Variants in MLYCD observed in about 807,000 individuals in gnomAD.
The protein encoded by MLYCD is malonyl-CoA decarboxylase.
Under a neutral mutation model 35.8 loss-of-function variants are expected in MLYCD, and 27 were observed. That is an observed-to-expected ratio of 0.75 (90% CI 0.56 to 1.04). The LOEUF is 1.04. Among genes scored for constraint, MLYCD ranks in the 50% least tolerant of loss-of-function variants. The pLI is 0.00. For missense variants in MLYCD, 917 were observed against 665.1 expected (o/e 1.38, Z -4.17); for synonymous variants, 403 against 302.4 (o/e 1.33, Z -3.45).
At position 83,927,023 on chromosome 16, in the gene MLYCD, A is replaced by G. The variant is rs1907829971; in HGVS notation, c.*11534A>G. On this transcript the variant is annotated 3_prime_UTR_variant, in exon 5 of 5. Transcript: ENST00000262430. The stretch of plus-strand genomic sequence containing the variant: ...AAAAAAAAATAAAAATAAAAAAATA[A>G]AATCCTAACAGGTAGCATACCTGCA... 6.6e-6 allele frequency: 1 copy of G among 152,144 alleles called. No homozygotes were observed. The highest frequency in any genetic ancestry group is 2.4e-5 in the African/African-American group (1 of 41,414). 9.4% of individuals were successfully genotyped at this position (152,144 alleles called of 1,614,324 possible).
chr16:83,910,224 G>A (rs1042868371), intron 3 of MLYCD, among the ~76,000 whole-genome samples: 2 of 128,376 alleles, frequency 1.6e-5, no homozygotes, highest in African/African-American at 5.9e-5. Context: ...TTTTTTTTTT[G>A]CCTCTTTTTG....
chr16:83,909,232 C>T (rs1907086258), intron 3 of MLYCD, among the ~76,000 whole-genome samples: 2 of 151,430 alleles, frequency 1.3e-5, no homozygotes, highest in African/African-American at 4.9e-5. Context: ...AATTCCACTC[C>T]TAGGAACTTC....
At position 83,920,975 on chromosome 16, in the gene MLYCD, A is replaced by T. The variant is rs1474014689; in HGVS notation, c.*5486A>T. The T allele has an allele frequency of 6.7e-6, 1 of 149,856 alleles. No individual in the cohort carries two copies. Among genetic ancestry groups the T allele is most frequent in the Non-Finnish European group, 1.5e-5 (1 of 67,572 alleles). The allele number at this position is 149,856 out of a possible 1,614,324, so 9.3% of individuals were successfully genotyped here. A position where few individuals can be genotyped will look rare whatever the true frequency, so the allele number is the denominator to read the frequency against. Reference sequence around the variant, plus strand: ...TGGATGGTGGAGGGTTAATGGAAGGAAGGAAGATGGATGGGTGGAAGGAAG... The same window carrying T: ...TGGATGGTGGAGGGTTAATGGAAGGTAGGAAGATGGATGGGTGGAAGGAAG... On this transcript the variant is annotated 3_prime_UTR_variant, in exon 5 of 5. Coordinates refer to ENST00000262430, the MANE Select transcript of MLYCD (RefSeq NM_012213.3).
intron 1 of MLYCD, among the ~76,000 whole-genome samples, chr16:83,902,802 G>T (rs561117725): frequency 6.6e-6 from 1 of 152,258 alleles, no homozygotes; most frequent in Non-Finnish European, 1.5e-5. Flanking sequence ...CACTGTGCCT[G>T]GCTGTGTTCT....
At chr16:83,914,163 T>TA (rs1907286545) in intron 4 of MLYCD, 1 of 152,370 alleles carries the variant, frequency 6.6e-6, no homozygotes. Flanking sequence ...GAGCATGTGT[T>TA]ACATTTATAA....
rs904869283 is a variant in MLYCD at position 83,918,159 on chromosome 16, C to G, written c.*2670C>G. 6.6e-6 allele frequency: 1 copy of G among 152,250 alleles called. No individual in the cohort carries two copies. Among genetic ancestry groups the G allele is most frequent in the Non-Finnish European group, 1.5e-5 (1 of 68,050 alleles). 9.4% of individuals were successfully genotyped at this position (152,250 alleles called of 1,614,324 possible). ...ACGTTACTCTTTAGGTCAAATGTAA[C>G]CCTCCCGGTTTTATTTATCACTCAG... On this transcript the variant is annotated 3_prime_UTR_variant, in exon 5 of 5. Coordinates refer to ENST00000262430, the MANE Select transcript of MLYCD (RefSeq NM_012213.3).
At chr16:83,904,812 C>G (rs1182606512) in intron 1 of MLYCD, among the ~76,000 whole-genome samples, 3 of 152,164 alleles carry the variant, frequency 2.0e-5, no homozygotes, top group Non-Finnish European at 4.4e-5. Context: ...CCAGGATGAC[C>G]TCTGTGGACA....
chr16:83,905,181 C>T (rs1297873314), intron 1 of MLYCD, among the ~76,000 whole-genome samples: 1 of 151,916 alleles, frequency 6.6e-6, no homozygotes, highest in Non-Finnish European at 1.5e-5. Flanking sequence ...CAGGGTTGCA[C>T]CACTGCACTC....
At position 83,915,391 on chromosome 16, in the gene MLYCD, G is replaced by T; in HGVS notation, c.1384G>T (p.Gly462Cys). ...ANYRYFLEET[G>C]PNSTSYLGSK... ...CTACCGCTACTTCCTGGAGGAGACGGGCCCCAACAGCACCTCCTACCTCGG... is the reference window on the plus strand; with the variant it reads ...CTACCGCTACTTCCTGGAGGAGACGTGCCCCAACAGCACCTCCTACCTCGG... The change falls in exon 5 of 5, where the codon GGC becomes TGC. Residue 462 changes from glycine (G) to cysteine (C), a missense_variant. By Grantham distance (159) the Gly-to-Cys change is radical. Coordinates refer to ENST00000262430, the MANE Select transcript of MLYCD (RefSeq NM_012213.3). 6.2e-7 allele frequency: 1 copy of T among 1,613,890 alleles called. No individual in the cohort carries two copies. The highest frequency in any genetic ancestry group is 8.5e-7 in the Non-Finnish European group (1 of 1,180,036).
chr16:83,902,807 T>C (rs757370087), intron 1 of MLYCD, among the ~76,000 whole-genome samples: 8 of 152,164 alleles, frequency 5.3e-5, no homozygotes, highest in Non-Finnish European at 1.2e-4. Flanking sequence ...TGCCTGGCTG[T>C]GTTCTTACTT....
intron 3 of MLYCD, 28 bp from the exon 4 acceptor site, chr16:83,912,190 C>G: frequency 1.9e-6 from 3 of 1,614,064 alleles, no homozygotes; most frequent in Non-Finnish European, 2.5e-6. Flanking sequence ...GCCAGGCCAC[C>G]CTTAGAACCA....
intron 1 of MLYCD, 83 bp downstream of exon 1, chr16:83,899,755 C>G (rs1436076064): frequency 4.1e-5 from 57 of 1,393,320 alleles, no homozygotes; most frequent in Non-Finnish European, 5.4e-5. Context: ...CCAAGTCCCA[C>G]ACACCCCGCC....
Position 83,914,807 on chromosome 16 carries a change from A to G in MLYCD, c.949-149A>G, listed in dbSNP as rs114202583. 1,250 of 1,185,100 alleles carry G rather than the reference A, an allele frequency of 1.1e-3. 7 individuals are homozygous for G. In the African/African-American group the frequency reaches 0.016, roughly 15 times the overall value. The allele number at this position is 1,185,100 out of a possible 1,614,324, so 73.4% of individuals were successfully genotyped here. On this transcript the variant is annotated intron_variant, in intron 4 of 4. Coordinates refer to ENST00000262430, the MANE Select transcript of MLYCD (RefSeq NM_012213.3). Reference sequence around the variant, plus strand: ...GAGGAAAAAAAGAAAAGCTGCTTGAAAGAAGATAAACAACATGTATCAGAT... The same window carrying G: ...GAGGAAAAAAAGAAAAGCTGCTTGAGAGAAGATAAACAACATGTATCAGAT...
In MLYCD at chr16:83,916,454, CAG is replaced by C. The variant is rs1567637796; in HGVS notation, c.*966_*967del. The C allele has an allele frequency of 8.0e-6, 1 of 124,638 alleles. No individual in the cohort carries two copies. The highest frequency in any genetic ancestry group is 3.2e-5 in the African/African-American group (1 of 31,350). The allele number at this position is 124,638 out of a possible 1,614,324, so 7.7% of individuals were successfully genotyped here. On this transcript the variant is annotated 3_prime_UTR_variant, in exon 5 of 5. Transcript: ENST00000262430. ...TGCGTGTGCACGAGCGTCTGTGGAT[CAG>C]TGCACGTCTGTGTGCGTGTGCACGA... is the stretch of plus-strand genomic sequence containing the variant.
At position 83,914,968 on chromosome 16, in the gene MLYCD, C is replaced by G; in HGVS notation, c.961C>G (p.His321Asp). The G allele has an allele frequency of 1.9e-6, 3 of 1,614,234 alleles. No homozygotes were observed. The highest frequency in any genetic ancestry group is 2.5e-6 in the Non-Finnish European group (3 of 1,180,046). The change falls in exon 5 of 5, where the codon CAC becomes GAC. Residue 321 changes from histidine to aspartate, a missense_variant. By Grantham distance (81) the His-to-Asp change is moderately conservative. Transcript: ENST00000262430. ...CCATGCTTTACAGAGAGAGTTTCCT[C>G]ACCTTGGGGTGTTTTCAAGTCTGTC... The part of the protein sequence containing the change: ...VVKELQREFP[H>D]LGVFSSLSPI...
intron 4 of MLYCD, 29 bp downstream of exon 4, chr16:83,912,396 C>T (rs750138184): frequency 1.2e-5 from 20 of 1,613,758 alleles, no homozygotes; most frequent in Middle Eastern, 3.3e-4. Context: ...GCCCCGGTCA[C>T]GCTTGGCTTC....
At position 83,925,775 on chromosome 16, in the gene MLYCD, C is replaced by T. The variant is rs1202251461; in HGVS notation, c.*10286C>T. ...TCTTGAAACGCTCTCCCCTCCCTGC[C>T]TCCCAGGCAATGCCCACTCTGCCTC... On this transcript the variant is annotated 3_prime_UTR_variant, in exon 5 of 5. Coordinates refer to ENST00000262430, the MANE Select transcript of MLYCD (RefSeq NM_012213.3). The T allele has an allele frequency of 6.5e-6, 1 of 152,818 alleles. No individual in the cohort carries two copies. The highest frequency in any genetic ancestry group is 1.5e-5 in the Non-Finnish European group (1 of 68,396). The allele number at this position is 152,818 out of a possible 1,614,324, so 9.5% of individuals were successfully genotyped here.
At position 83,915,694 on chromosome 16, in the gene MLYCD, G is replaced by T. The variant is rs1393494941; in HGVS notation, c.*205G>T. The T allele has an allele frequency of 6.9e-7, 1 of 1,454,296 alleles. No individual in the cohort carries two copies. Among genetic ancestry groups the T allele is most frequent in the Non-Finnish European group, 9.1e-7 (1 of 1,104,822 alleles). The allele number at this position is 1,454,296 out of a possible 1,614,324, so 90.1% of individuals were successfully genotyped here. A position where few individuals can be genotyped will look rare whatever the true frequency, so the allele number is the denominator to read the frequency against. The stretch of plus-strand genomic sequence containing the variant: ...TGCACCCAGTGCAAGACGGTTGTGG[G>T]TGCGGGTGCACACAAATGAGTGGGT... On this transcript the variant is annotated 3_prime_UTR_variant, in exon 5 of 5. Transcript: ENST00000262430.
In MLYCD at chr16:83,918,721, CACACAGTGCACAGA is replaced by C. The variant is rs1379666810; in HGVS notation, c.*3246_*3259del. The C allele has an allele frequency of 1.3e-5, 2 of 149,124 alleles. No homozygotes were observed. The highest frequency in any genetic ancestry group is 3.6e-3 in the Middle Eastern group (1 of 274). 9.2% of individuals were successfully genotyped at this position (149,124 alleles called of 1,614,324 possible). On this transcript the variant is annotated 3_prime_UTR_variant, in exon 5 of 5. Coordinates refer to ENST00000262430, the MANE Select transcript of MLYCD (RefSeq NM_012213.3). Reference sequence around the variant, plus strand: ...CGCACAGTGCACAGGAGAAAACGCACACACAGTGCACAGAACACAGTGCACAGGAGAACACGCAC... The same window carrying C: ...CGCACAGTGCACAGGAGAAAACGCACACACAGTGCACAGGAGAACACGCAC...
Sources: gnomAD v4.1 joint callset for allele counts (sites outside exome capture counted in the v4.1 genomes callset) on GRCh38, gnomAD v4.1.1 for gene constraint, MANE v1.5 for transcripts, NCBI Gene and HGNC (gene_info 2026-07-23, HGNC 2026-07-21) for gene names.